Variants in AMY2B observed in about 807,000 individuals in gnomAD.
AMY2B encodes alpha-amylase 2B.
A neutral mutation model predicts 59.3 loss-of-function variants in AMY2B; 63 were observed. That is an observed-to-expected ratio of 1.06 (90% confidence interval 0.87 to 1.31). The LOEUF is 1.31. Among genes scored for constraint, AMY2B ranks in the 50% most tolerant of loss-of-function variants. AMY2B has a pLI of 0.00. For synonymous variants in AMY2B, 180 were observed against 198.1 expected (o/e 0.91, Z 0.77); for missense variants, 635 against 626.7 (o/e 1.01, Z -0.14).
intron 9 of AMY2B, among the ~76,000 whole-genome samples, chr1:103,578,510 A>G (rs1570651909): frequency 6.6e-6 from 1 of 152,134 alleles, no homozygotes; most frequent in East Asian, 1.9e-4. Flanking sequence ...AAACAGTTGA[A>G]TTGTCTCTGT....
upstream of AMY2B, chr1:103,570,408 G>A (rs928245005): frequency 3.7e-5 from 32 of 871,318 alleles, no homozygotes; most frequent in African/African-American, 3.7e-4. Context: ...GAAGTGTGAC[G>A]TGGACATCCG....
chr1:103,570,039 G>A (rs563057060), upstream of AMY2B: 274 of 433,986 alleles, frequency 6.3e-4, 3 homozygotes, highest in African/African-American at 5.1e-3. Context: ...CCCACATGGT[G>A]CCCATCTATA....
rs765406354 is a variant in AMY2B, at chr1:103,579,426, G to A, written c.1462G>A (p.Gly488Ser). The A allele has an allele frequency of 6.2e-7, 1 of 1,611,718 alleles. No homozygotes were observed. The highest frequency in any genetic ancestry group is 2.2e-5 in the East Asian group (1 of 44,842). ...CATTAAAATCTACGTTTCTGACGAT[G>A]GCAAAGCTCATTTTTCTATTAGTAA... ...TGIKIYVSDD[G>S]KAHFSISNSA... Residue 488 changes from glycine (G) to serine (S), a missense_variant, in exon 10 of 10, where the codon GGC becomes AGC. Gly to Ser is a moderately conservative substitution (Grantham distance 56). Coordinates refer to ENST00000684275, the MANE Select transcript of AMY2B (RefSeq NM_001387437.1).
At chr1:103,562,672 CTTT>C (rs373215753) in intron 1 of AMY2B, among the ~76,000 whole-genome samples, 12 of 112,086 alleles carry the variant, frequency 1.1e-4, no homozygotes, top group Admixed American at 3.6e-4. Context: ...GATAACTTGT[CTTT>C]TTTTTTTTTT....
At chr1:103,575,701 A>G in intron 7 of AMY2B, 161 bp downstream of exon 7, 1 of 1,073,310 alleles carries the variant, frequency 9.3e-7, no homozygotes, top group Non-Finnish European at 1.3e-6. Context: ...TTAAAGGAGT[A>G]AAATATATAT....
upstream of AMY2B, chr1:103,569,705 C>T: frequency 2.5e-6 from 1 of 402,448 alleles, no homozygotes; most frequent in Non-Finnish European, 5.0e-6. Context: ...CAGAGGGACT[C>T]CTATGTGGGC....
chr1:103,576,420 T>C (rs1489104193), intron 7 of AMY2B, among the ~76,000 whole-genome samples: 2 of 152,210 alleles, frequency 1.3e-5, no homozygotes, highest in Non-Finnish European at 2.9e-5. Flanking sequence ...TGGTCTTATT[T>C]CTGATGTTAA....
chr1:103,577,299 A>T, intron 7 of AMY2B, 191 bp from the exon 8 acceptor site: 1 of 1,126,834 alleles, frequency 8.9e-7, no homozygotes, highest in Non-Finnish European at 1.3e-6. Context: ...AATATGGCAA[A>T]AGAGAACCAG....
chr1:103,562,690 T>G (rs1365732755), intron 1 of AMY2B, among the ~76,000 whole-genome samples: 1 of 146,398 alleles, frequency 6.8e-6, no homozygotes, highest in Non-Finnish European at 1.5e-5. Context: ...TTTTTTTTTT[T>G]GTCAATGTTA....
In AMY2B at chr1:103,574,333, A is replaced by G. The variant is rs150659982; in HGVS notation, c.818A>G (p.Tyr273Cys). Residue 273 changes from tyrosine to cysteine, a missense_variant, in exon 5 of 10, where the codon TAT becomes TGT. Physicochemically the swap from Tyr to Cys is radical, Grantham distance 194 (BLOSUM62 -2). Transcript: ENST00000684275. ...AATGGCCGGGTGACAGAATTCAAGT[A>G]TGGTGCAAAACTCGGCACAGTTATT... ...FGNGRVTEFK[Y>C]GAKLGTVIRK... 1.3e-4 allele frequency: 213 copies of G among 1,611,722 alleles called. No individual in the cohort carries two copies. The highest frequency in any genetic ancestry group is 1.8e-4 in the Non-Finnish European group (208 of 1,179,752).
Position 103,564,331 on chromosome 1 carries a change from G to A in AMY2B, c.-206-1104G>A, listed in dbSNP as rs556864271. Among the ~76,000 whole-genome samples, 21 of 152,088 alleles carry A rather than the reference G, an allele frequency of 1.4e-4. 1 individual carries two copies. The South Asian group carries it at 3.9e-3, about 29-fold the overall frequency. ...CTTGAGTCAAGCATGAAGTTCAAATGGTGCCCCTCTTCTCTGTCAACTCTT... is the reference window on the plus strand; with the variant it reads ...CTTGAGTCAAGCATGAAGTTCAAATAGTGCCCCTCTTCTCTGTCAACTCTT... On this transcript the variant is annotated intron_variant, in intron 1 of 11. Transcript: ENST00000361355.
chr1:103,555,171 T>A (rs1228124386), intron 1 of AMY2B: 1 of 152,112 alleles, frequency 6.6e-6, no homozygotes, highest in Non-Finnish European at 1.5e-5. Context: ...AATCAGTGAA[T>A]TGGAAACATA....
upstream of AMY2B, among the ~76,000 whole-genome samples, chr1:103,568,037 T>A (rs1239198104): frequency 6.6e-6 from 1 of 152,346 alleles, no homozygotes; most frequent in Middle Eastern, 3.4e-3. Context: ...TTCTATTTTA[T>A]GATTTTATAC....
At chr1:103,568,403 A>G (rs1651983288), upstream of AMY2B, 1 of 152,232 alleles carries the variant, frequency 6.6e-6, no homozygotes, top group Non-Finnish European at 1.5e-5. Context: ...CACCACCACC[A>G]CCAATCCTAC....
chr1:103,560,081 A>G (rs1311075866), intron 1 of AMY2B, among the ~76,000 whole-genome samples: 1 of 152,134 alleles, frequency 6.6e-6, no homozygotes, highest in African/African-American at 2.4e-5. Context: ...TAAAAGACTC[A>G]ACTTCTGACT....
At chr1:103,565,672 C>G (rs1389314625) in intron 2 of AMY2B, 1 of 152,116 alleles carries the variant, frequency 6.6e-6, no homozygotes, top group Non-Finnish European at 1.5e-5. Flanking sequence ...TCAAACTTTG[C>G]TTGTGTCTTG....
In AMY2B at chr1:103,577,826, G is replaced by C; in HGVS notation, c.1327G>C (p.Val443Leu). 2.5e-6 allele frequency: 4 copies of C among 1,603,760 alleles called. No individual in the cohort carries two copies. The highest frequency in any genetic ancestry group is 3.4e-6 in the Non-Finnish European group (4 of 1,179,706). Residue 443 changes from valine (V) to leucine (L), a missense_variant, in exon 9 of 10, where the codon GTT (valine) becomes CTT (leucine). Coordinates refer to ENST00000684275, the MANE Select transcript of AMY2B (RefSeq NM_001387437.1). ...AFGRGNRGFI[V>L]FNNDDWTFSL... ...TGGGAGAGGAAACAGAGGATTCATT[G>C]TTTTCAACAATGATGACTGGTAAGT...
In AMY2B at chr1:103,576,523, T is replaced by A. The variant is rs368130938; in HGVS notation, c.1102-967T>A. The stretch of plus-strand genomic sequence containing the variant: ...AAAAACTCTTAGTTTTGTTCACTTT[T>A]CACCATATGACATAATTCTAAGGTC... On this transcript the variant is annotated intron_variant, in intron 7 of 9. Transcript: ENST00000684275. 6.6e-5 allele frequency among the ~76,000 whole-genome samples: 10 copies of A among 152,146 alleles called. No individual in the cohort carries two copies. In the East Asian group the frequency reaches 1.3e-3, roughly 21 times the overall value.
chr1:103,574,663 A>G (rs1194305158), intron 5 of AMY2B, among the ~76,000 whole-genome samples: 4 of 152,154 alleles, frequency 2.6e-5, no homozygotes, highest in South Asian at 4.1e-4. Flanking sequence ...TGATGTTTGC[A>G]TATAATCTTT....
Sources: gnomAD v4.1 joint callset for allele counts (sites outside exome capture counted in the v4.1 genomes callset) on GRCh38, gnomAD v4.1.1 for gene constraint, MANE v1.5 for transcripts, NCBI Gene and HGNC (gene_info 2026-07-23, HGNC 2026-07-21) for gene names.